Variants in VAV2 observed in about 807,000 individuals in gnomAD.
VAV2 encodes vav guanine nucleotide exchange factor 2, also known as guanine nucleotide exchange factor VAV2.
In VAV2, 67 loss-of-function variants were observed where a neutral mutation model predicts 132.5. That is an observed-to-expected ratio of 0.51 (90% CI 0.42 to 0.62). The LOEUF is 0.62. Among genes scored for constraint, VAV2 ranks in the 20% least tolerant of loss-of-function variants. The probability of loss-of-function intolerance (pLI) is 0.00; values close to 1 mark genes in which losing one functional copy is unlikely to be tolerated. For missense variants in VAV2, 938 were observed against 1,153.6 expected (o/e 0.81, Z 2.71); for synonymous variants, 492 against 443.5 (o/e 1.11, Z -1.37).
intron 2 of VAV2, among the ~76,000 whole-genome samples, chr9:133,887,463 C>A (rs189147148): frequency 9.9e-5 from 15 of 152,202 alleles, no homozygotes; most frequent in African/African-American, 3.6e-4. Context: ...GCAATGGCAG[C>A]CCCAGGGCCA....
chr9:133,813,417 C>T (rs1461503349), intron 4 of VAV2, among the ~76,000 whole-genome samples: 4 of 152,238 alleles, frequency 2.6e-5, no homozygotes, highest in Non-Finnish European at 5.9e-5. Flanking sequence ...CCAAACCTCG[C>T]CTTTGAATAT....
intron 1 of VAV2, among the ~76,000 whole-genome samples, chr9:133,975,634 A>G (rs1367350448): frequency 2.6e-5 from 4 of 152,008 alleles, no homozygotes; most frequent in Non-Finnish European, 4.4e-5. Flanking sequence ...AGCTCCCTCC[A>G]AAGTCTCTGA....
chr9:133,899,056 C>T (rs9792513), intron 2 of VAV2, among the ~76,000 whole-genome samples: 13,342 of 151,928 alleles, frequency 0.088, 704 homozygotes, highest in Admixed American at 0.12. Context: ...CTCCTGACCT[C>T]GTGATCCGCC....
rs1271236533 is a variant in VAV2 at position 133,857,001 on chromosome 9, CAG to C, written c.380+4371_380+4372del. ...ACAGACACAGAGCAACCCCGCGAGG[CAG>C]AGTCATGCTCCCAGCCTACAGAAGA... On this transcript the variant is annotated intron_variant, in intron 3 of 29. Coordinates refer to ENST00000371850, the MANE Select transcript of VAV2 (RefSeq NM_001134398.2). This position sits in a 1 kb window ranked among gnomAD's most constrained non-coding sequence, Gnocchi z 4.0. 6.6e-6 allele frequency among the ~76,000 whole-genome samples: 1 copy of C among 152,210 alleles called. No homozygotes were observed. Among genetic ancestry groups the C allele is most frequent in the Non-Finnish European group, 1.5e-5 (1 of 68,046 alleles).
In VAV2 at chr9:133,834,306, C is replaced by T. The variant is rs540258929; in HGVS notation, c.415G>A (p.Asp139Asn). 10 of 1,612,664 alleles carry T rather than the reference C, an allele frequency of 6.2e-6. No homozygotes were observed. Among genetic ancestry groups the T allele is most frequent in the Admixed American group, 1.7e-5 (1 of 59,878 alleles). Residue 139 changes from aspartate to asparagine, a missense_variant, in exon 4 of 30, where the codon GAT becomes AAT. Physicochemically the swap from Asp to Asn is conservative, Grantham distance 23. Transcript: ENST00000371850. The surrounding 1 kb of genome is among the most constrained non-coding windows in gnomAD (Gnocchi z 5.9). ...TCCTCCAGGCTGCGGTAGACGTCAT[C>T]GTCATTCTCTGTGGTCTCCTCTGAG... ...FPSEETTENDDDVYRSLEELA... is the reference protein window; with the variant it reads ...FPSEETTENDNDVYRSLEELA...
Position 133,796,553 on chromosome 9 carries a change from C to A in VAV2, c.937-29G>T, listed in dbSNP as rs772053742. ...GGAGGGCGACAGGGCGATGGGAGAG[C>A]CCTCCCCGAGGAAAGCCTGAACCCA... On this transcript the variant is annotated intron_variant, in intron 10 of 29. Transcript: ENST00000371850. The A allele has an allele frequency of 3.7e-6, 6 of 1,600,194 alleles. No homozygotes were observed. The South Asian group carries it at 6.7e-5, about 18-fold the overall frequency.
intron 3 of VAV2, 160 bp downstream of exon 3, chr9:133,861,214 C>A: frequency 1.3e-5 from 9 of 696,018 alleles, no homozygotes; most frequent in Non-Finnish European, 1.5e-5. Context: ...CACACCCCTT[C>A]CTGCAGCCGC....
intron 13 of VAV2, among the ~76,000 whole-genome samples, chr9:133,791,140 G>A (rs1056621919): frequency 2.6e-5 from 4 of 152,168 alleles, no homozygotes; most frequent in Non-Finnish European, 4.4e-5. Flanking sequence ...GCAGATCCTC[G>A]GGAAGTCGGC....
intron 3 of VAV2, among the ~76,000 whole-genome samples, chr9:133,851,345 G>A (rs1564405022): frequency 6.6e-6 from 1 of 152,182 alleles, no homozygotes. Context: ...TGGACCCACT[G>A]TGTGCCAGGC....
At chr9:133,895,487 C>T (rs1416513142) in intron 2 of VAV2, among the ~76,000 whole-genome samples, 4 of 152,214 alleles carry the variant, frequency 2.6e-5, no homozygotes. Flanking sequence ...ATCACGCCGA[C>T]GTGAAAAGGA....
chr9:133,990,124 G>C (rs1433052131), intron 1 of VAV2, among the ~76,000 whole-genome samples: 1 of 152,166 alleles, frequency 6.6e-6, no homozygotes, highest in Non-Finnish European at 1.5e-5. Context: ...CCTGGGAGGG[G>C]ACAGTGCCAG....
chr9:133,775,970 T>G, intron 24 of VAV2, 58 bp downstream of exon 24: 1 of 1,550,518 alleles, frequency 6.4e-7, no homozygotes, highest in Non-Finnish European at 8.8e-7. Context: ...CCGGCGGGCA[T>G]GCCCCCATAA....
chr9:133,764,476 C>G (rs184558499), intron 29 of VAV2, among the ~76,000 whole-genome samples: 14 of 152,174 alleles, frequency 9.2e-5, no homozygotes, highest in Admixed American at 3.3e-4. Flanking sequence ...TAGAAATCAA[C>G]CCACAGGTAT....
chr9:133,793,369 C>T (rs2239912), intron 12 of VAV2, among the ~76,000 whole-genome samples: 66,417 of 151,970 alleles, frequency 0.44, 14,995 homozygotes, highest in South Asian at 0.52. Flanking sequence ...CCATCCCTCC[C>T]GCCCTTCCTC....
chr9:133,973,095 A>G (rs1392889854), intron 1 of VAV2, among the ~76,000 whole-genome samples: 2 of 151,950 alleles, frequency 1.3e-5, no homozygotes, highest in Non-Finnish European at 2.9e-5. Flanking sequence ...CCTTGGTACC[A>G]AGGCAGCGGG....
chr9:133,835,089 C>T (rs1836416649), intron 3 of VAV2, among the ~76,000 whole-genome samples: 1 of 152,160 alleles, frequency 6.6e-6, no homozygotes, highest in Non-Finnish European at 1.5e-5. Context: ...AAACTTTAAT[C>T]ATCTGGGCTC....
rs559488622 is a variant in VAV2, at chr9:133,896,490, C to A, written c.322-35058G>T. Among the ~76,000 whole-genome samples, 3 of 152,166 alleles carry A rather than the reference C, an allele frequency of 2.0e-5. No individual in the cohort carries two copies. The South Asian group carries it at 6.2e-4, about 32-fold the overall frequency. On this transcript the variant is annotated intron_variant, in intron 2 of 29. Transcript: ENST00000371850. ...TAAATAAAATAAAAAAGAATAAAATCTTTATAAACGTTAGAGCAGGTCGAA... is the reference window on the plus strand; with the variant it reads ...TAAATAAAATAAAAAAGAATAAAATATTTATAAACGTTAGAGCAGGTCGAA...
At chr9:133,855,644 T>TC (rs1264174205) in intron 3 of VAV2, among the ~76,000 whole-genome samples, 3 of 151,552 alleles carry the variant, frequency 2.0e-5, no homozygotes, top group Non-Finnish European at 2.9e-5. Flanking sequence ...CGCCACCAGC[T>TC]CCCCCCGCAC....
chr9:133,914,798 GA>G (rs60369287), intron 2 of VAV2, among the ~76,000 whole-genome samples: 8 of 2,480 alleles, frequency 3.2e-3, no homozygotes, highest in East Asian at 0.019. Context: ...AGGAGGAGGA[GA>G]GGGGAAGGGA....
Sources: gnomAD v4.1 joint callset for allele counts (sites outside exome capture counted in the v4.1 genomes callset) on GRCh38, gnomAD v4.1.1 for gene constraint, Gnocchi (gnomAD v3.1) non-coding constraint, MANE v1.5 for transcripts, NCBI Gene and HGNC (gene_info 2026-07-23, HGNC 2026-07-21) for gene names.